PCDHA9: variants seen among roughly 807,000 people sequenced by gnomAD.
PCDHA9 encodes the protein protocadherin alpha-9.
A neutral mutation model predicts 62.0 loss-of-function variants in PCDHA9; 62 were observed. The observed-to-expected ratio is 1.00, with a 90% CI of 0.81 to 1.23. The LOEUF (loss-of-function observed/expected upper bound fraction) is 1.23, where lower values mean the gene tolerates loss of function less well. PCDHA9 is among the 50% of genes most tolerant of loss of function. The probability of loss-of-function intolerance (pLI) is 0.00; values close to 1 mark genes in which losing one functional copy is unlikely to be tolerated. For synonymous variants in PCDHA9, 557 were observed against 567.6 expected (o/e 0.98, Z 0.27); for missense variants, 1,205 against 1,249.8 (o/e 0.96, Z 0.54).
chr5:141,001,559 G>A (rs1277713814), intron 3 of PCDHA9, among the ~76,000 whole-genome samples: 1 of 152,190 alleles, frequency 6.6e-6, no homozygotes, highest in Non-Finnish European at 1.5e-5. Context: ...TTCAGACCAC[G>A]ATTCTCCTGT....
intron 1 of PCDHA9, chr5:140,967,750 C>A (rs782284231): frequency 1.4e-5 from 22 of 1,614,072 alleles, no homozygotes; most frequent in Non-Finnish European, 1.7e-6. Flanking sequence ...ATGAGGAAGC[C>A]TCCTCCTACC....
chr5:140,874,622 A>G (rs554375384), intron 1 of PCDHA9, among the ~76,000 whole-genome samples: 5 of 152,374 alleles, frequency 3.3e-5, no homozygotes, highest in Non-Finnish European at 7.3e-5. Flanking sequence ...TAAACATTTT[A>G]CATTAAAGTG....
At chr5:140,893,892 C>A (rs1554185839) in intron 1 of PCDHA9, among the ~76,000 whole-genome samples, 1 of 152,184 alleles carries the variant, frequency 6.6e-6, no homozygotes, top group Non-Finnish European at 1.5e-5. Flanking sequence ...CAGAAAGTTA[C>A]TTTACCTTCT....
At chr5:140,928,157 C>T (rs782528366) in intron 1 of PCDHA9, 9 of 1,614,200 alleles carry the variant, frequency 5.6e-6, no homozygotes, top group Non-Finnish European at 7.6e-6. Flanking sequence ...GATAGTGGCT[C>T]ACCCCCACTT....
chr5:140,879,402 T>C (rs571790), intron 1 of PCDHA9, among the ~76,000 whole-genome samples: 2,265 of 152,304 alleles, frequency 0.015, 52 homozygotes, highest in African/African-American at 0.052. Context: ...TTTGTGTGTA[T>C]TTGAGCAGGT....
chr5:140,902,044 A>AT (rs1222362795), intron 1 of PCDHA9, among the ~76,000 whole-genome samples: 6 of 152,016 alleles, frequency 3.9e-5, no homozygotes, highest in Non-Finnish European at 5.9e-5. Flanking sequence ...TTGTATGTTG[A>AT]TTTTGTATCC....
intron 1 of PCDHA9, among the ~76,000 whole-genome samples, chr5:140,937,317 G>A (rs1282380622): frequency 1.3e-5 from 2 of 152,048 alleles, no homozygotes; most frequent in Non-Finnish European, 2.9e-5. Context: ...GATTACAGGC[G>A]TGAGCCACCG....
chr5:140,982,943 A>G (rs2097017074), intron 3 of PCDHA9, among the ~76,000 whole-genome samples: 1 of 151,992 alleles, frequency 6.6e-6, no homozygotes, highest in Admixed American at 6.5e-5. Flanking sequence ...CTTTTGGTTG[A>G]AGACTATGGA....
intron 3 of PCDHA9, among the ~76,000 whole-genome samples, chr5:140,989,670 C>T (rs907417768): frequency 6.6e-6 from 1 of 152,104 alleles, no homozygotes; most frequent in African/African-American, 2.4e-5. Flanking sequence ...GAAACTCTGC[C>T]CAGATTTCAA....
chr5:140,910,519 G>A (rs187918127), intron 1 of PCDHA9, among the ~76,000 whole-genome samples: 18 of 152,218 alleles, frequency 1.2e-4, no homozygotes, highest in Non-Finnish European at 2.5e-4. Context: ...AAGGATGCAG[G>A]TACTCCCCTC....
rs537764090 is a variant in PCDHA9 at position 140,925,273 on chromosome 5, AT to A, written c.2395-53672del. Reference sequence around the variant, plus strand: ...ACTTTAATTCTTGATCTGTGTTCAGATTTTGCCTTTCAAATGTTTCATTATT... The same window carrying A: ...ACTTTAATTCTTGATCTGTGTTCAGATTTGCCTTTCAAATGTTTCATTATT... On this transcript the variant is annotated intron_variant, in intron 1 of 3. Transcript: ENST00000532602. Among the ~76,000 whole-genome samples, 1,221 of 152,228 alleles carry A rather than the reference AT, an allele frequency of 8.0e-3. 6 individuals are homozygous for A. Among genetic ancestry groups the A allele is most frequent in the African/African-American group, 0.019 (789 of 41,534 alleles).
In PCDHA9 at chr5:141,002,285, A is replaced by C. The variant is rs2098070605; in HGVS notation, c.2543-7342A>C. On this transcript the variant is annotated intron_variant, in intron 3 of 3. Coordinates refer to ENST00000532602, the MANE Select transcript of PCDHA9 (RefSeq NM_031857.2). ...CCCAGAGCTGGTAACAAAGGGATGA[A>C]TGGGGAGCAAAGGGGCGGGGCCGAA... 4.6e-5 allele frequency among the ~76,000 whole-genome samples: 7 copies of C among 152,158 alleles called. No individual in the cohort carries two copies. In the South Asian group the frequency reaches 1.4e-3, roughly 31 times the overall value.
intron 1 of PCDHA9, among the ~76,000 whole-genome samples, chr5:140,890,386 A>G (rs905205351): frequency 6.6e-6 from 1 of 152,202 alleles, no homozygotes; most frequent in Admixed American, 6.5e-5. Flanking sequence ...TCTTTCTTAG[A>G]TAATCTATAA....
chr5:140,857,031 C>T (rs782539359), intron 1 of PCDHA9: 1 of 1,596,318 alleles, frequency 6.3e-7, no homozygotes, highest in Non-Finnish European at 8.6e-7. Flanking sequence ...GGAAACCCAC[C>T]TATGGTTGGT....
chr5:140,886,023 C>A (rs759768435), intron 1 of PCDHA9, among the ~76,000 whole-genome samples: 5 of 152,078 alleles, frequency 3.3e-5, no homozygotes, highest in Non-Finnish European at 7.4e-5. Flanking sequence ...GCTATGTATT[C>A]TTCACTAAGT....
At chr5:140,950,389 T>C (rs269550) in intron 1 of PCDHA9, among the ~76,000 whole-genome samples, 33,984 of 151,960 alleles carry the variant, frequency 0.22, 4,900 homozygotes, top group African/African-American at 0.41. Context: ...TTGAATGATA[T>C]AGAATTCTGG....
Position 140,848,936 on chromosome 5 carries a change from G to A in PCDHA9, c.441G>A (p.Pro147=), listed in dbSNP as rs2150425486. ...ATCTGTTCATCGCGGAATCCAGGCC[G>A]CTTGACTCTCGGTTTCCACTAGAGG... is the stretch of plus-strand genomic sequence containing the variant. The part of the protein sequence containing the change: ...QKNLFIAESR[P]LDSRFPLEGA... Residue 147 remains proline (P), a synonymous_variant, in exon 1 of 4, where the codon CCG becomes CCA. Coordinates refer to ENST00000532602, the MANE Select transcript of PCDHA9 (RefSeq NM_031857.2). 2.3e-5 allele frequency: 37 copies of A among 1,607,476 alleles called. No homozygotes were observed. The East Asian group carries it at 6.7e-4, about 29-fold the overall frequency.
At chr5:140,936,604 G>A (rs1186463181) in intron 1 of PCDHA9, among the ~76,000 whole-genome samples, 4 of 152,116 alleles carry the variant, frequency 2.6e-5, no homozygotes, top group South Asian at 2.1e-4. Context: ...TACTTTCCTC[G>A]CTGCTACTGT....
chr5:140,955,698 T>C (rs1295764352), intron 1 of PCDHA9, among the ~76,000 whole-genome samples: 2 of 152,218 alleles, frequency 1.3e-5, no homozygotes, highest in South Asian at 2.1e-4. Context: ...TGAATGTCAA[T>C]GGAAGTTTAA....
Sources: allele counts gnomAD v4.1 joint callset (sites outside exome capture counted in the v4.1 genomes callset), GRCh38; gene constraint gnomAD v4.1.1; transcripts MANE v1.5; gene names NCBI Gene and HGNC (gene_info 2026-07-23, HGNC 2026-07-21).